Variants in L3MBTL4 observed in about 807,000 individuals in gnomAD.
L3MBTL4 encodes the protein lethal(3)malignant brain tumor-like protein 4.
In L3MBTL4, 70 loss-of-function variants were observed where a neutral mutation model predicts 84.5. The observed-to-expected ratio is 0.83, with a 90% confidence interval of 0.68 to 1.01. The LOEUF (loss-of-function observed/expected upper bound fraction) is 1.01. Ranked by LOEUF, L3MBTL4 falls within the 50% of genes least tolerant of loss-of-function variation. The pLI, the probability that L3MBTL4 is intolerant of heterozygous loss-of-function variation, is 0.00. For missense variants in L3MBTL4, 715 were observed against 754.8 expected (o/e 0.95, Z 0.62); for synonymous variants, 274 against 259.8 (o/e 1.05, Z -0.52).
rs749461472 is a variant in L3MBTL4 at position 6,213,239 on chromosome 18, C to G, written c.891G>C (p.Leu297=). 4 of 1,607,676 alleles carry G rather than the reference C, an allele frequency of 2.5e-6. No homozygotes were observed. Among genetic ancestry groups the G allele is most frequent in the Non-Finnish European group, 3.4e-6 (4 of 1,177,218 alleles). The change falls in exon 12 of 19, where the codon CTG becomes CTC. Residue 297 remains leucine (L), a synonymous_variant. Coordinates refer to ENST00000317931, the MANE Select transcript of L3MBTL4 (RefSeq NM_001330559.2). ...CCACAACTTCAAGTTTCATATTTGGCAGAAAACCATGAGGCAACCTCTGTA... is the reference window on the plus strand; with the variant it reads ...CCACAACTTCAAGTTTCATATTTGGGAGAAAACCATGAGGCAACCTCTGTA... The part of the protein sequence containing the change: ...VFKMRLPHGF[L]PNMKLEVVDK...
intron 12 of L3MBTL4, among the ~76,000 whole-genome samples, chr18:6,211,381 C>T (rs917923203): frequency 7.2e-5 from 11 of 152,060 alleles, no homozygotes; most frequent in Non-Finnish European, 1.5e-4. Context: ...TAAAGATTTC[C>T]TTTGAAAAAT....
At chr18:6,404,641 G>T (rs918967485) in intron 1 of L3MBTL4, among the ~76,000 whole-genome samples, 1 of 152,128 alleles carries the variant, frequency 6.6e-6, no homozygotes, top group Non-Finnish European at 1.5e-5. Context: ...TGTCAAGAAG[G>T]TCAGTAAATA....
At chr18:6,323,738 A>G (rs1419914395) in intron 1 of L3MBTL4, among the ~76,000 whole-genome samples, 1 of 152,260 alleles carries the variant, frequency 6.6e-6, no homozygotes, top group African/African-American at 2.4e-5. Flanking sequence ...TTAAAAAGGA[A>G]GCAGAGTGTA....
intron 4 of L3MBTL4, among the ~76,000 whole-genome samples, chr18:6,283,931 T>G (rs2049435947): frequency 6.6e-6 from 1 of 152,164 alleles, no homozygotes; most frequent in Non-Finnish European, 1.5e-5. Flanking sequence ...AAGTTCAGAT[T>G]TCTAAAAGGT....
intron 1 of L3MBTL4, among the ~76,000 whole-genome samples, chr18:6,348,656 T>A (rs1220185111): frequency 6.6e-6 from 1 of 152,026 alleles, no homozygotes; most frequent in Admixed American, 6.6e-5. Flanking sequence ...AACAATTACT[T>A]GAATAATATA....
At chr18:6,067,341 G>A (rs908698087) in intron 16 of L3MBTL4, among the ~76,000 whole-genome samples, 2 of 152,092 alleles carry the variant, frequency 1.3e-5, no homozygotes, top group African/African-American at 4.8e-5. Context: ...TGGATATATA[G>A]AGCTCTACCA....
At chr18:6,140,880 C>G (rs2144675807) in intron 13 of L3MBTL4, among the ~76,000 whole-genome samples, 1 of 152,076 alleles carries the variant, frequency 6.6e-6, no homozygotes, top group South Asian at 2.1e-4. Flanking sequence ...TCCTTCTCCT[C>G]AGGGCTCCTT....
chr18:6,235,599 A>T (rs2047185759), intron 10 of L3MBTL4, among the ~76,000 whole-genome samples: 1 of 152,242 alleles, frequency 6.6e-6, no homozygotes, highest in Admixed American at 6.5e-5. Flanking sequence ...ATATTGTATG[A>T]TTCCTTTCAT....
chr18:6,295,074 C>T (rs560662736), intron 4 of L3MBTL4, among the ~76,000 whole-genome samples: 1 of 152,090 alleles, frequency 6.6e-6, no homozygotes, highest in South Asian at 2.1e-4. Flanking sequence ...GAGTTTGAGA[C>T]CAGGCTGGAC....
chr18:6,176,609 A>T (rs2044235767), intron 12 of L3MBTL4, among the ~76,000 whole-genome samples: 1 of 152,182 alleles, frequency 6.6e-6, no homozygotes, highest in African/African-American at 2.4e-5. Context: ...ACCCAAGAAG[A>T]AAACTTTAAG....
At chr18:5,965,434 T>C (rs2052301738) in intron 17 of L3MBTL4, among the ~76,000 whole-genome samples, 1 of 152,168 alleles carries the variant, frequency 6.6e-6, no homozygotes, top group Admixed American at 6.5e-5. Context: ...GCCCAGTTCA[T>C]TCCAACACGC....
At chr18:6,171,709 A>C (rs2043979064) in intron 13 of L3MBTL4, 119 bp downstream of exon 13, 4 of 561,056 alleles carry the variant, frequency 7.1e-6, no homozygotes, top group African/African-American at 1.9e-5. Context: ...AGCTGTAGTG[A>C]TTAATTCGCC....
At chr18:6,230,408 G>A (rs1460272050) in intron 10 of L3MBTL4, among the ~76,000 whole-genome samples, 1 of 152,152 alleles carries the variant, frequency 6.6e-6, no homozygotes, top group Admixed American at 6.6e-5. Flanking sequence ...TAAAGGACAT[G>A]ATCTCATTCT....
chr18:6,317,001 AAAAT>A (rs143668018), intron 1 of L3MBTL4, among the ~76,000 whole-genome samples: 182 of 151,088 alleles, frequency 1.2e-3, no homozygotes, highest in African/African-American at 4.3e-3. Flanking sequence ...ATACTGGTAC[AAAAT>A]AAATAAATAA....
chr18:6,321,192 C>T (rs2051383804), intron 1 of L3MBTL4, among the ~76,000 whole-genome samples: 1 of 151,968 alleles, frequency 6.6e-6, no homozygotes, highest in Non-Finnish European at 1.5e-5. Context: ...GACTACGACC[C>T]CAAAAGCAAA....
intron 11 of L3MBTL4, 63 bp downstream of exon 11, chr18:6,215,687 T>C: frequency 1.2e-6 from 1 of 815,982 alleles, no homozygotes; most frequent in Non-Finnish European, 1.9e-6. Context: ...AACTGCCAAA[T>C]GTAGGCATGA....
chr18:6,054,917 T>G (rs1300981152), intron 16 of L3MBTL4, among the ~76,000 whole-genome samples: 3 of 152,202 alleles, frequency 2.0e-5, no homozygotes, highest in Non-Finnish European at 4.4e-5. Flanking sequence ...AAGCTCAGCT[T>G]CCCTCTGCTT....
intron 12 of L3MBTL4, among the ~76,000 whole-genome samples, chr18:6,191,898 G>C (rs2045114464): frequency 6.6e-6 from 1 of 152,048 alleles, no homozygotes; most frequent in African/African-American, 2.4e-5. Flanking sequence ...GCAGAGGTGG[G>C]AAGATCACTT....
intron 14 of L3MBTL4, among the ~76,000 whole-genome samples, chr18:6,111,800 A>G (rs1038963295): frequency 1.3e-5 from 2 of 152,214 alleles, no homozygotes; most frequent in Non-Finnish European, 2.9e-5. Context: ...GATTCAATCT[A>G]GCTAATTAAC....
Sources: gnomAD v4.1 joint callset for allele counts (sites outside exome capture counted in the v4.1 genomes callset) on GRCh38, gnomAD v4.1.1 for gene constraint, MANE v1.5 for transcripts, NCBI Gene and HGNC (gene_info 2026-07-23, HGNC 2026-07-21) for gene names.